Variants in PRKG2 observed in about 807,000 individuals in gnomAD.
PRKG2 encodes the protein protein kinase cGMP-dependent 2.
In PRKG2, 33 loss-of-function variants were observed where a neutral mutation model predicts 97.2. The ratio of observed to expected loss-of-function variants is 0.34; its 90% CI spans 0.26 to 0.45. The LOEUF (loss-of-function observed/expected upper bound fraction) is 0.45, where lower values mean the gene tolerates loss of function less well. Ranked by LOEUF, PRKG2 falls within the 20% of genes least tolerant of loss-of-function variation. PRKG2 has a pLI of 1.00. For missense variants in PRKG2, 638 were observed against 900.0 expected (o/e 0.71, Z 3.73); for synonymous variants, 330 against 321.8 (o/e 1.03, Z -0.27).
intron 17 of PRKG2, 25 bp from the exon 18 acceptor site, chr4:81,092,477 G>GAAGGAAGT: frequency 1.2e-6 from 1 of 834,368 alleles, no homozygotes; most frequent in Non-Finnish European, 1.9e-6. Context: ...AGGAAGGAAG[G>GAAGGAAGT]AAGGAAGGAA....
At chr4:81,147,387 C>T (rs953660941) in intron 9 of PRKG2, among the ~76,000 whole-genome samples, 1 of 151,980 alleles carries the variant, frequency 6.6e-6, no homozygotes, top group Non-Finnish European at 1.5e-5. Context: ...AATACTGTAC[C>T]AATATATTTT....
At chr4:81,194,196 G>A (rs954510759) in intron 2 of PRKG2, among the ~76,000 whole-genome samples, 24 of 152,096 alleles carry the variant, frequency 1.6e-4, no homozygotes, top group African/African-American at 5.6e-4. Flanking sequence ...ACCTAGAACT[G>A]TATTTTGCAC....
intron 2 of PRKG2, chr4:81,193,253 G>T (rs1378249771): frequency 6.6e-6 from 1 of 152,126 alleles, no homozygotes; most frequent in African/African-American, 2.4e-5. Context: ...AGGCATATTT[G>T]TGAAGGTCAC....
rs553835766 is a variant in PRKG2, at chr4:81,174,382, T to C, written c.628+411A>G. The stretch of plus-strand genomic sequence containing the variant: ...TGAATAAAAACACTTTTTGAGCACA[T>C]GGTATTGTGATTAGAAGTGCAGATT... On this transcript the variant is annotated intron_variant, in intron 3 of 18. Coordinates refer to ENST00000264399, the MANE Select transcript of PRKG2 (RefSeq NM_006259.3). Among the ~76,000 whole-genome samples the C allele has an allele frequency of 3.3e-5, 5 of 152,188 alleles. No individual in the cohort carries two copies. The East Asian group carries it at 7.7e-4, about 23-fold the overall frequency.
Position 81,153,650 on chromosome 4 carries a change from T to C in PRKG2, c.984A>G (p.Lys328=). 6.3e-7 allele frequency: 1 copy of C among 1,586,342 alleles called. No homozygotes were observed. The change falls in exon 7 of 19, where the codon AAA becomes AAG. Residue 328 remains lysine, a synonymous_variant. Coordinates refer to ENST00000264399, the MANE Select transcript of PRKG2 (RefSeq NM_006259.3). ...EEGSTFFILA[K]GKVKVTQSTE... ...AGTTTTAATTAATAGTTACCTTTCC[T>C]TTTGCCAAAATGAAAAAGGTACTTC...
At chr4:81,195,620 T>C (rs1160146665) in intron 2 of PRKG2, among the ~76,000 whole-genome samples, 1 of 152,194 alleles carries the variant, frequency 6.6e-6, no homozygotes, top group Non-Finnish European at 1.5e-5. Flanking sequence ...TCGAGGTACC[T>C]CATATAAATG....
rs186279090 is a variant in PRKG2, at chr4:81,202,188, G to A, written c.461+2399C>T. ...GTTTCTTACAAATTTTTGACAGGCT[G>A]TATAATATAAAAGAGATATAAAAAT... On this transcript the variant is annotated intron_variant, in intron 2 of 18. Coordinates refer to ENST00000264399, the MANE Select transcript of PRKG2 (RefSeq NM_006259.3). Among the ~76,000 whole-genome samples the A allele has an allele frequency of 1.2e-3, 177 of 152,222 alleles. 4 individuals are homozygous for A. Among genetic ancestry groups the A allele is most frequent in the African/African-American group, 3.8e-3 (159 of 41,532 alleles).
chr4:81,115,005 T>G (rs993169301), intron 14 of PRKG2, among the ~76,000 whole-genome samples: 1 of 152,216 alleles, frequency 6.6e-6, no homozygotes, highest in Non-Finnish European at 1.5e-5. Context: ...ATAACACCAT[T>G]GGATTAACAT....
Position 81,148,909 on chromosome 4 carries a change from C to A in PRKG2, c.1129G>T (p.Val377Phe). The stretch of plus-strand genomic sequence containing the variant: ...TCTCGATCTATAACCAGGCATGCAA[C>A]ATCATTTTCTTCAGCAATAATGTTA... ...SANIIAEEND[V>F]ACLVIDRETF... The change falls in exon 9 of 19, where the codon GTT (valine) becomes TTT (phenylalanine). Residue 377 changes from valine (V) to phenylalanine (F), a missense_variant. Around this residue, in one of 3 missense-constraint regions of PRKG2, gnomAD observed 304 missense variants for 460.5 expected, o/e 0.66. Transcript: ENST00000264399. 1 of 1,613,756 alleles carries A rather than the reference C, an allele frequency of 6.2e-7. No individual in the cohort carries two copies. The highest frequency in any genetic ancestry group is 8.5e-7 in the Non-Finnish European group (1 of 1,179,718).
At chr4:81,098,498 T>TTGATATGCCTTCTTC (rs1405768090) in intron 17 of PRKG2, among the ~76,000 whole-genome samples, 1 of 152,214 alleles carries the variant, frequency 6.6e-6, no homozygotes, top group African/African-American at 2.4e-5. Context: ...ATCTCAGCTT[T>TTGATATGCCTTCTTC]TGATATGCCT....
intron 7 of PRKG2, 50 bp from the exon 8 acceptor site, chr4:81,152,104 A>C: frequency 7.2e-7 from 1 of 1,384,388 alleles, no homozygotes. Context: ...GAAAAAGGAG[A>C]ATCTGAACAC....
intron 9 of PRKG2, 38 bp downstream of exon 9, chr4:81,148,846 T>C (rs1748109220): frequency 6.5e-7 from 1 of 1,547,774 alleles, no homozygotes; most frequent in Non-Finnish European, 8.9e-7. Context: ...TCTTCAAAGG[T>C]GGCAGTGGCC....
intron 17 of PRKG2, among the ~76,000 whole-genome samples, chr4:81,100,984 A>T (rs577825915): frequency 6.6e-6 from 1 of 152,280 alleles, no homozygotes; most frequent in East Asian, 1.9e-4. Flanking sequence ...ATCACTGGCC[A>T]TCAGAGAAAT....
intron 16 of PRKG2, among the ~76,000 whole-genome samples, chr4:81,105,421 ACTTAAGATAATGAC>A (rs1743226394): frequency 6.6e-6 from 1 of 152,238 alleles, no homozygotes; most frequent in African/African-American, 2.4e-5. Context: ...GGCTTATTTC[ACTTAAGATAATGAC>A]CTTCAGTTCC....
intron 14 of PRKG2, among the ~76,000 whole-genome samples, chr4:81,118,196 A>G (rs1399346266): frequency 6.6e-6 from 1 of 152,198 alleles, no homozygotes; most frequent in Admixed American, 6.5e-5. Context: ...GCACTGAAAA[A>G]TACTCCATTG....
At chr4:81,111,252 G>C (rs540857290) in intron 14 of PRKG2, among the ~76,000 whole-genome samples, 9 of 152,218 alleles carry the variant, frequency 5.9e-5, no homozygotes, top group Admixed American at 5.9e-4. Context: ...TCTCAGGAAG[G>C]TGAGTGGTGG....
intron 14 of PRKG2, among the ~76,000 whole-genome samples, chr4:81,129,385 T>TGCC (rs931597913): frequency 6.6e-6 from 1 of 152,094 alleles, no homozygotes; most frequent in African/African-American, 2.4e-5. Flanking sequence ...ATATTTAAAA[T>TGCC]TCCTGTTAAT....
At chr4:81,110,764 G>GAGAGAGAGACAGAC (rs1553919021) in intron 14 of PRKG2, among the ~76,000 whole-genome samples, 153 bp from the exon 15 acceptor site, 11,373 of 146,178 alleles carry the variant, frequency 0.078, 605 homozygotes, top group Middle Eastern at 0.18. Flanking sequence ...GAGAGAGAGA[G>GAGAGAGAGACAGAC]AGACAGACAG....
At chr4:81,155,482 G>A (rs1449637212) in intron 6 of PRKG2, among the ~76,000 whole-genome samples, 1 of 152,080 alleles carries the variant, frequency 6.6e-6, no homozygotes, top group East Asian at 1.9e-4. Flanking sequence ...TGGGGAGAAC[G>A]GAACCAAGTT....
Sources: gnomAD v4.1 joint callset for allele counts (sites outside exome capture counted in the v4.1 genomes callset) on GRCh38, gnomAD v4.1.1 for gene constraint, gnomAD v4.1.1 regional missense constraint, MANE v1.5 for transcripts, NCBI Gene and HGNC (gene_info 2026-07-23, HGNC 2026-07-21) for gene names.